The following NAA15 variants were observed in gnomAD, a reference collection of about 807,000 sequenced individuals.
The protein encoded by NAA15 is N-alpha-acetyltransferase 15, NatA auxiliary subunit, also known as N-terminal acetyltransferase.
Under a neutral mutation model 114.0 loss-of-function variants are expected in NAA15, and 34 were observed. The observed-to-expected ratio is 0.30, with a 90% CI of 0.23 to 0.40. NAA15 has a LOEUF of 0.40. Among genes scored for constraint, NAA15 ranks in the 10% least tolerant of loss-of-function variants. NAA15 has a pLI of 1.00. For synonymous variants in NAA15, 340 were observed against 338.0 expected, an observed-to-expected ratio of 1.01 and a Z score of -0.06; for missense variants, 658 against 1,004.5, an observed-to-expected ratio of 0.66 and a Z score of 4.66.
chr4:139,349,310 T>C, intron 6 of NAA15, 152 bp from the exon 7 acceptor site: 1 of 590,336 alleles, frequency 1.7e-6, no homozygotes, highest in Non-Finnish European at 2.8e-6. Context: ...CATAACTTGG[T>C]AAATGATCTT....
At chr4:139,340,139 T>G (rs1462053696) in intron 3 of NAA15, among the ~76,000 whole-genome samples, 3 of 152,052 alleles carry the variant, frequency 2.0e-5, no homozygotes, top group Non-Finnish European at 4.4e-5. Context: ...TTGGGCAACA[T>G]GGCGAGATCC....
intron 1 of NAA15, among the ~76,000 whole-genome samples, chr4:139,303,444 TTC>T (rs1560947043): frequency 1.3e-5 from 2 of 152,240 alleles, no homozygotes; most frequent in Non-Finnish European, 2.9e-5. Flanking sequence ...CATATATGCT[TTC>T]TCTCTCCCTA....
At chr4:139,381,027 A>G (rs1190370178) in intron 17 of NAA15, among the ~76,000 whole-genome samples, 2 of 152,200 alleles carry the variant, frequency 1.3e-5, no homozygotes, top group Non-Finnish European at 2.9e-5. Flanking sequence ...TGGAGAGTAT[A>G]GAGGAAAACA....
At chr4:139,380,163 A>G (rs548823124) in intron 17 of NAA15, among the ~76,000 whole-genome samples, 6 of 152,306 alleles carry the variant, frequency 3.9e-5, no homozygotes, top group African/African-American at 7.2e-5. Flanking sequence ...TTTTTCCTCA[A>G]TTTTTAAAAA....
intron 13 of NAA15, among the ~76,000 whole-genome samples, chr4:139,361,012 A>T (rs1748117125): frequency 6.6e-6 from 1 of 152,166 alleles, no homozygotes; most frequent in Non-Finnish European, 1.5e-5. Flanking sequence ...AAATGTTGGA[A>T]GACTTTTCAC....
chr4:139,368,767 AT>A lies in NAA15; in HGVS notation c.1754-1440del, dbSNP rs35427319. Among the ~76,000 whole-genome samples, 494 of 152,278 alleles carry A rather than the reference AT, an allele frequency of 3.2e-3. 22 individuals carry two copies. In the East Asian group the frequency reaches 0.076, roughly 23 times the overall value. ...TTTTAAAGGAAGAACTTGTGGGCAT[AT>A]TTTGAAATCACCACAGTGGTAGTGT... On this transcript the variant is annotated intron_variant, in intron 14 of 19. Transcript: ENST00000296543.
Position 139,364,694 on chromosome 4 carries a change from A to G in NAA15, c.1753+2757A>G, listed in dbSNP as rs559778996. Among the ~76,000 whole-genome samples the G allele has an allele frequency of 6.3e-4, 96 of 152,288 alleles. 1 individual carries two copies. The highest frequency in any genetic ancestry group is 2.2e-3 in the African/African-American group (92 of 41,556). ...ACACAGATAGGTTTCTGTTGTTATGATCCATTTTTCTCAATCTAACACTGT... is the reference window on the plus strand; with the variant it reads ...ACACAGATAGGTTTCTGTTGTTATGGTCCATTTTTCTCAATCTAACACTGT... On this transcript the variant is annotated intron_variant, in intron 14 of 19. Coordinates refer to ENST00000296543, the MANE Select transcript of NAA15 (RefSeq NM_057175.5).
intron 10 of NAA15, among the ~76,000 whole-genome samples, chr4:139,355,793 A>G (rs1747930437): frequency 6.6e-6 from 1 of 152,108 alleles, no homozygotes; most frequent in African/African-American, 2.4e-5. Context: ...AGTGAGTGAG[A>G]TTCTTACAGG....
At chr4:139,330,411 T>C (rs1297543354) in intron 1 of NAA15, among the ~76,000 whole-genome samples, 2 of 152,226 alleles carry the variant, frequency 1.3e-5, no homozygotes, top group Admixed American at 1.3e-4. Context: ...TGCTTCTGCT[T>C]TCTCCTCCTC....
At chr4:139,368,437 G>A (rs149529937) in intron 14 of NAA15, among the ~76,000 whole-genome samples, 36 of 152,212 alleles carry the variant, frequency 2.4e-4, no homozygotes, top group African/African-American at 6.7e-4. Context: ...TTAAAAAGTT[G>A]CCAGCTGGAG....
chr4:139,328,209 A>G (rs1245924519), intron 1 of NAA15, among the ~76,000 whole-genome samples: 1 of 151,016 alleles, frequency 6.6e-6, no homozygotes, highest in Non-Finnish European at 1.5e-5. Context: ...TTAAAATTTT[A>G]TTTTATTAGT....
intron 14 of NAA15, among the ~76,000 whole-genome samples, chr4:139,364,765 A>G (rs909228623): frequency 1.3e-5 from 2 of 152,212 alleles, no homozygotes; most frequent in Non-Finnish European, 2.9e-5. Context: ...TTGCTTATGC[A>G]TACACGGTAG....
intron 17 of NAA15, among the ~76,000 whole-genome samples, chr4:139,383,821 G>A (rs1164705250): frequency 6.6e-6 from 1 of 152,188 alleles, no homozygotes; most frequent in African/African-American, 2.4e-5. Flanking sequence ...TTATTATACA[G>A]TGATAGCTCA....
chr4:139,316,456 TA>T (rs924040030), intron 1 of NAA15, among the ~76,000 whole-genome samples: 1 of 151,944 alleles, frequency 6.6e-6, no homozygotes, highest in Non-Finnish European at 1.5e-5. Context: ...GTTCATGTTT[TA>T]CAAGTTCCTG....
In NAA15 at chr4:139,308,965, A is replaced by G. The variant is rs180865963; in HGVS notation, c.54+7134A>G. ...ATAAATTATCCCTTAAAAGTATACC[A>G]GAAAACAAAATGCAGTTTTGCTATT... On this transcript the variant is annotated intron_variant, in intron 1 of 19. Coordinates refer to ENST00000296543, the MANE Select transcript of NAA15 (RefSeq NM_057175.5). Among the ~76,000 whole-genome samples the G allele has an allele frequency of 3.4e-3, 513 of 152,300 alleles. 2 individuals carry two copies. Among genetic ancestry groups the G allele is most frequent in the Non-Finnish European group, 5.2e-3 (351 of 68,016 alleles).
intron 1 of NAA15, among the ~76,000 whole-genome samples, chr4:139,303,490 G>A (rs537792710): frequency 1.9e-3 from 294 of 152,250 alleles, no homozygotes; most frequent in Non-Finnish European, 3.5e-3. Context: ...ATAAAAGTAA[G>A]TTGTAGATGT....
intron 1 of NAA15, among the ~76,000 whole-genome samples, chr4:139,305,204 AGT>A (rs1745970051): frequency 6.6e-6 from 1 of 152,220 alleles, no homozygotes; most frequent in African/African-American, 2.4e-5. Context: ...TGGTAGTGTT[AGT>A]GGGGCAAAAA....
chr4:139,364,318 GAAAGGCTTTTTCTA>G (rs1748218041), intron 14 of NAA15, among the ~76,000 whole-genome samples: 2 of 151,826 alleles, frequency 1.3e-5, no homozygotes, highest in Admixed American at 1.3e-4. Context: ...GTCTTGCTTA[GAAAGGCTTTTTCTA>G]CTTAAAAATT....
chr4:139,341,394 G>A (rs1050932885), intron 4 of NAA15, among the ~76,000 whole-genome samples: 35 of 151,550 alleles, frequency 2.3e-4, no homozygotes, highest in African/African-American at 8.0e-4. Context: ...AGGAGATCGA[G>A]ACCATCCTGC....
Sources: gnomAD v4.1 joint callset for allele counts (sites outside exome capture counted in the v4.1 genomes callset) on GRCh38, gnomAD v4.1.1 for gene constraint, MANE v1.5 for transcripts, NCBI Gene and HGNC (gene_info 2026-07-23, HGNC 2026-07-21) for gene names.